NLGN4Y: variants seen among roughly 807,000 people sequenced by gnomAD.
NLGN4Y encodes neuroligin-4, Y-linked.
Under a neutral mutation model 8.4 loss-of-function variants are expected in NLGN4Y, and 4 were observed. That is an observed-to-expected ratio of 0.48 (90% CI 0.23 to 1.09). The LOEUF (loss-of-function observed/expected upper bound fraction) is 1.09. Among genes scored for constraint, NLGN4Y ranks in the 50% least tolerant of loss-of-function variants. The probability of loss-of-function intolerance (pLI) is 0.19; values close to 1 mark genes in which losing one functional copy is unlikely to be tolerated. For synonymous variants in NLGN4Y, 35 were observed against 75.6 expected, an observed-to-expected ratio of 0.46 and a Z score of 2.78; for missense variants, 90 against 192.3, an observed-to-expected ratio of 0.47 and a Z score of 3.15.
intron 2 of NLGN4Y, among the ~76,000 whole-genome samples, chrY:14,702,015 C>A: frequency 3.3e-5 from 1 of 30,702 alleles, no homozygotes; most frequent in Non-Finnish European, 7.8e-5. Context: ...ATTTTTTACT[C>A]TTTGAATTCA....
intron 1 of NLGN4Y, among the ~76,000 whole-genome samples, chrY:14,618,268 A>G (rs2080497820): frequency 3.1e-5 from 1 of 32,457 alleles, no homozygotes; most frequent in African/African-American, 1.2e-4. Flanking sequence ...TGGGAAAAAC[A>G]TAGTATCTGG....
chrY:14,806,233 T>C (rs575222497), intron 4 of NLGN4Y, among the ~76,000 whole-genome samples: 105 of 33,371 alleles, frequency 3.1e-3, no homozygotes, highest in African/African-American at 0.011. Context: ...AACAATTAAC[T>C]TCAACTCTTA....
intron 2 of NLGN4Y, among the ~76,000 whole-genome samples, chrY:14,681,021 G>A: frequency 9.0e-5 from 3 of 33,411 alleles, no homozygotes; most frequent in Non-Finnish European, 1.5e-4. Flanking sequence ...ATTAGGAATA[G>A]GGCTGGTAGT....
At chrY:14,539,123 A>G in intron 1 of NLGN4Y, among the ~76,000 whole-genome samples, 1 of 33,374 alleles carries the variant, frequency 3.0e-5, no homozygotes, top group Non-Finnish European at 7.4e-5. Flanking sequence ...GATTTGCCCT[A>G]TTTTCTTAGC....
At chrY:14,572,663 T>C (rs2080276686) in intron 1 of NLGN4Y, among the ~76,000 whole-genome samples, 1 of 33,093 alleles carries the variant, frequency 3.0e-5, no homozygotes, top group African/African-American at 1.2e-4. Context: ...AGAGGGCATC[T>C]TTGTCTTGTG....
chrY:14,593,732 C>G, intron 1 of NLGN4Y, among the ~76,000 whole-genome samples: 1 of 33,342 alleles, frequency 3.0e-5, no homozygotes, highest in Non-Finnish European at 7.4e-5. Flanking sequence ...TCTCCTTCAC[C>G]TTTCTGATGG....
intron 4 of NLGN4Y, among the ~76,000 whole-genome samples, chrY:14,805,561 G>A: frequency 2.9e-5 from 1 of 33,933 alleles, no homozygotes; most frequent in African/African-American, 1.1e-4. Flanking sequence ...CTAAGTATGT[G>A]TTGGGTTAAG....
chrY:14,576,288 G>A (rs1015554063), intron 1 of NLGN4Y, among the ~76,000 whole-genome samples: 4 of 33,590 alleles, frequency 1.2e-4, no homozygotes, highest in African/African-American at 2.3e-4. Flanking sequence ...CTGAGAAAGC[G>A]TGGGTACCCC....
chrY:14,620,931 T>A, intron 1 of NLGN4Y, among the ~76,000 whole-genome samples: 1 of 33,578 alleles, frequency 3.0e-5, no homozygotes, highest in Non-Finnish European at 7.4e-5. Flanking sequence ...CTTAGATTTT[T>A]AAATGGGATA....
chrY:14,778,070 A>AATAC (rs2081133408), intron 4 of NLGN4Y, among the ~76,000 whole-genome samples: 2 of 30,556 alleles, frequency 6.5e-5, no homozygotes, highest in African/African-American at 2.5e-4. Flanking sequence ...TAAATAAATA[A>AATAC]ATAAATAACT....
At chrY:14,584,088 C>G in intron 1 of NLGN4Y, among the ~76,000 whole-genome samples, 1 of 33,460 alleles carries the variant, frequency 3.0e-5, no homozygotes, top group African/African-American at 1.2e-4. Context: ...GGTATGGCAA[C>G]AGCTATGCAA....
intron 2 of NLGN4Y, among the ~76,000 whole-genome samples, chrY:14,660,468 C>T (rs2080669791): frequency 3.0e-5 from 1 of 33,051 alleles, no homozygotes; most frequent in Non-Finnish European, 7.4e-5. Flanking sequence ...ACTGCAGCCT[C>T]GATCTCCTTG....
chrY:14,793,624 C>G, intron 4 of NLGN4Y: 1 of 33,086 alleles, frequency 3.0e-5, no homozygotes, highest in African/African-American at 1.2e-4. Context: ...ATTTTAATGT[C>G]TACTGGTACT....
chrY:14,622,463 A>T lies in NLGN4Y; in HGVS notation c.344A>T (p.Asp115Val). The T allele has an allele frequency of 2.5e-6, 1 of 397,530 alleles. No homozygotes were observed. The highest frequency in any genetic ancestry group is 6.3e-5 in the African/African-American group (1 of 15,857). ...QFSAVCPQHL[D>V]ERFLLHDMLP... ...TCTGCTGTGTGCCCCCAGCACCTGGATGAAAGATTCTTATTGCATGACATG... is the reference window on the plus strand; with the variant it reads ...TCTGCTGTGTGCCCCCAGCACCTGGTTGAAAGATTCTTATTGCATGACATG... Residue 115 changes from aspartate (D) to valine (V), a missense_variant, in exon 2 of 7, where the codon GAT becomes GTT. Physicochemically the swap from Asp to Val is radical, Grantham distance 152. This residue lies in a region of NLGN4Y where 37 missense variants were observed against 38.5 expected (regional missense o/e 0.96). Transcript: ENST00000684976.
intron 3 of NLGN4Y, 26 bp from the exon 4 acceptor site, chrY:14,723,091 G>C (rs1277247746): frequency 2.6e-6 from 1 of 390,532 alleles, no homozygotes. Flanking sequence ...TCTTTACTGC[G>C]TTTCCTTACT....
chrY:14,597,128 G>A (rs760004092), intron 1 of NLGN4Y, among the ~76,000 whole-genome samples: 3 of 30,689 alleles, frequency 9.8e-5, no homozygotes, highest in South Asian at 8.5e-4. Flanking sequence ...GCAGACCTTC[G>A]CAGTGAATGT....
chrY:14,646,385 T>C, intron 2 of NLGN4Y, among the ~76,000 whole-genome samples: 1 of 33,489 alleles, frequency 3.0e-5, no homozygotes, highest in South Asian at 6.7e-4. Flanking sequence ...CCTTGAGGAA[T>C]TGGGGTCCTA....
chrY:14,774,353 A>G, intron 4 of NLGN4Y, among the ~76,000 whole-genome samples: 1 of 33,885 alleles, frequency 3.0e-5, no homozygotes, highest in African/African-American at 1.2e-4. Flanking sequence ...GGAGAAGGAC[A>G]TGAACAGACA....
chrY:14,761,442 C>A, intron 4 of NLGN4Y, among the ~76,000 whole-genome samples: 1 of 33,748 alleles, frequency 3.0e-5, no homozygotes, highest in Non-Finnish European at 7.4e-5. Flanking sequence ...TAGCCTTTTT[C>A]CTAGAGTTGG....
Sources: gnomAD v4.1 joint callset for allele counts (sites outside exome capture counted in the v4.1 genomes callset) on GRCh38, gnomAD v4.1.1 for gene constraint, gnomAD v4.1.1 regional missense constraint, MANE v1.5 for transcripts, NCBI Gene and HGNC (gene_info 2026-07-23, HGNC 2026-07-21) for gene names.